Variants in ZNF578 observed in about 807,000 individuals in gnomAD.
ZNF578 encodes zinc finger protein 578.
Under a neutral mutation model 8.3 loss-of-function variants are expected in ZNF578, and 8 were observed. The observed-to-expected ratio is 0.96, with a 90% CI of 0.56 to 1.74. The LOEUF (loss-of-function observed/expected upper bound fraction) is 1.74. Ranked by LOEUF, ZNF578 falls within the 40% of genes most tolerant of loss-of-function variation. The probability of loss-of-function intolerance (pLI) is 0.00; values close to 1 mark genes in which losing one functional copy is unlikely to be tolerated. For synonymous variants in ZNF578, 206 were observed against 232.2 expected (o/e 0.89, Z 1.03); for missense variants, 726 against 707.5 (o/e 1.03, Z -0.30).
intron 1 of ZNF578, chr19:52,453,979 G>C (rs971095638): frequency 3.9e-5 from 6 of 152,306 alleles, no homozygotes; most frequent in African/African-American, 1.4e-4. Context: ...CATCAGCGCC[G>C]TGTCCTCTGC....
rs903204750 is a variant in ZNF578 at position 52,516,651 on chromosome 19, A to G, written c.*4497A>G. Reference sequence around the variant, plus strand: ...ATTTCTGCACCATCTTGACTGATCAATGTGCTTTGTAATCTCCCCCACCCT... The same window carrying G: ...ATTTCTGCACCATCTTGACTGATCAGTGTGCTTTGTAATCTCCCCCACCCT... On this transcript the variant is annotated 3_prime_UTR_variant, in exon 6 of 6. Transcript: ENST00000421239. 6.6e-6 allele frequency among the ~76,000 whole-genome samples: 1 copy of G among 152,188 alleles called. No homozygotes were observed. The highest frequency in any genetic ancestry group is 6.5e-5 in the Admixed American group (1 of 15,276).
chr19:52,506,761 G>T (rs1439253884), intron 5 of ZNF578, among the ~76,000 whole-genome samples: 1 of 152,160 alleles, frequency 6.6e-6, no homozygotes, highest in Non-Finnish European at 1.5e-5. Context: ...TGTATTTTTA[G>T]TAGAGGTGGA....
chr19:52,500,408 CTTTT>C (rs71180471), intron 3 of ZNF578, among the ~76,000 whole-genome samples: 1 of 138,872 alleles, frequency 7.2e-6, no homozygotes, highest in Non-Finnish European at 1.5e-5. Context: ...TTTGAGTTTC[CTTTT>C]TTTTTTTTTT....
intron 2 of ZNF578, chr19:52,473,305 A>T: frequency 6.3e-6 from 1 of 159,968 alleles, no homozygotes. Context: ...TACCACATAC[A>T]TGGCATTTGT....
intron 2 of ZNF578, among the ~76,000 whole-genome samples, chr19:52,459,215 G>A (rs932981575): frequency 6.6e-6 from 1 of 152,024 alleles, no homozygotes; most frequent in South Asian, 2.1e-4. Context: ...TTTTCATCTC[G>A]CAAAACTGAA....
intron 3 of ZNF578, among the ~76,000 whole-genome samples, chr19:52,498,703 T>TTTTTTTTTTTTTAG (rs1352953674): frequency 7.8e-6 from 1 of 127,494 alleles, no homozygotes; most frequent in Non-Finnish European, 1.6e-5. Context: ...TTTTTTTTTG[T>TTTTTTTTTTTTTAG]AAGACAGAGT....
intron 5 of ZNF578, among the ~76,000 whole-genome samples, chr19:52,509,084 A>G (rs2059435510): frequency 6.6e-6 from 1 of 151,658 alleles, no homozygotes; most frequent in South Asian, 2.1e-4. Context: ...TGGTGTTCTT[A>G]GTAGAGATGC....
intron 5 of ZNF578, among the ~76,000 whole-genome samples, chr19:52,506,335 G>C (rs1360802784): frequency 6.6e-6 from 1 of 152,130 alleles, no homozygotes; most frequent in African/African-American, 2.4e-5. Context: ...ACCAGGCTGG[G>C]TGCGGTGGCC....
chr19:52,512,918 G>A lies in ZNF578; in HGVS notation c.*764G>A, dbSNP rs142053878. 2.3e-4 allele frequency among the ~76,000 whole-genome samples: 35 copies of A among 152,286 alleles called. No homozygotes were observed. The highest frequency in any genetic ancestry group is 7.9e-4 in the African/African-American group (33 of 41,566). ...GATTGGGCCAGGTGCAGTGGATCACGCCTGTAATCCCAGCACATTGGGAGG... is the reference window on the plus strand; with the variant it reads ...GATTGGGCCAGGTGCAGTGGATCACACCTGTAATCCCAGCACATTGGGAGG... On this transcript the variant is annotated 3_prime_UTR_variant, in exon 6 of 6. Transcript: ENST00000421239.
At chr19:52,505,045 G>A (rs1382714483) in intron 5 of ZNF578, among the ~76,000 whole-genome samples, 2 of 152,076 alleles carry the variant, frequency 1.3e-5, no homozygotes, top group African/African-American at 2.4e-5. Context: ...GCGCCACCAC[G>A]CCCAGCTAAC....
chr19:52,515,490 A>C lies in ZNF578; in HGVS notation c.*3336A>C, dbSNP rs1364373415. Reference sequence around the variant, plus strand: ...TGTGAAAGAGGTTTCTCTAATTTTCAAGGATGGGGGTGATAAGAGCAACCT... The same window carrying C: ...TGTGAAAGAGGTTTCTCTAATTTTCCAGGATGGGGGTGATAAGAGCAACCT... On this transcript the variant is annotated 3_prime_UTR_variant, in exon 6 of 6. Transcript: ENST00000421239. Among the ~76,000 whole-genome samples, 2 of 152,122 alleles carry C rather than the reference A, an allele frequency of 1.3e-5. No homozygotes were observed. The highest frequency in any genetic ancestry group is 4.8e-5 in the African/African-American group (2 of 41,436).
chr19:52,494,166 A>G (rs1568462859), intron 3 of ZNF578, among the ~76,000 whole-genome samples: 1 of 151,886 alleles, frequency 6.6e-6, no homozygotes, highest in Non-Finnish European at 1.5e-5. Flanking sequence ...AGAGATGTGT[A>G]AAGAATTAGG....
intron 2 of ZNF578, among the ~76,000 whole-genome samples, chr19:52,490,065 G>A (rs571236577): frequency 2.7e-4 from 41 of 152,306 alleles, no homozygotes; most frequent in African/African-American, 8.7e-4. Context: ...CAGGGAGCCT[G>A]CATCAGGTTT....
intron 5 of ZNF578, among the ~76,000 whole-genome samples, chr19:52,505,442 TGA>T (rs1405092641): frequency 1.3e-5 from 2 of 152,162 alleles, no homozygotes; most frequent in Non-Finnish European, 2.9e-5. Flanking sequence ...TTTTTGTTTT[TGA>T]GACAGTCTCG....
intron 2 of ZNF578, among the ~76,000 whole-genome samples, chr19:52,483,751 G>A (rs1023626027): frequency 2.6e-5 from 4 of 152,300 alleles, no homozygotes; most frequent in African/African-American, 9.6e-5. Flanking sequence ...ATTGCCTGGT[G>A]TTATGTAACT....
At chr19:52,483,493 C>G (rs1225417392) in intron 2 of ZNF578, among the ~76,000 whole-genome samples, 1 of 152,212 alleles carries the variant, frequency 6.6e-6, no homozygotes. Flanking sequence ...ACCAAATTCT[C>G]TCACAGGCAC....
chr19:52,485,344 C>T (rs192649356), intron 2 of ZNF578, among the ~76,000 whole-genome samples: 69 of 152,296 alleles, frequency 4.5e-4, no homozygotes, highest in African/African-American at 1.6e-3. Flanking sequence ...GAGTGCAGAG[C>T]ATTTTGCAAA....
rs1293360763 is a variant in ZNF578, at chr19:52,465,996, CAAGTT to C, written c.-122+9042_-122+9046del. ...ATGGTGACAAAGGAATGAGAAGAGA[CAAGTT>C]AAGAGTGCATAAAGGTGGGGGCCAC... On this transcript the variant is annotated intron_variant, in intron 2 of 5. Coordinates refer to ENST00000421239, the MANE Select transcript of ZNF578 (RefSeq NM_001099694.2). 5.9e-5 allele frequency among the ~76,000 whole-genome samples: 9 copies of C among 152,278 alleles called. No homozygotes were observed. In the East Asian group the frequency reaches 9.7e-4, roughly 16 times the overall value.
intron 2 of ZNF578, among the ~76,000 whole-genome samples, chr19:52,485,038 C>T (rs1055632319): frequency 1.3e-4 from 20 of 151,468 alleles, no homozygotes; most frequent in Non-Finnish European, 4.4e-5. Flanking sequence ...GGGCTGAGTC[C>T]AAAAAGAGAG....
Sources: allele counts gnomAD v4.1 joint callset (sites outside exome capture counted in the v4.1 genomes callset), GRCh38; gene constraint gnomAD v4.1.1; transcripts MANE v1.5; gene names NCBI Gene and HGNC (gene_info 2026-07-23, HGNC 2026-07-21).